CADM2: variants seen among roughly 807,000 people sequenced by gnomAD.
The protein encoded by CADM2 is immunoglobulin superfamily member 4D.
In CADM2, 12 loss-of-function variants were observed where a neutral mutation model predicts 49.8. That is an observed-to-expected ratio of 0.24 (90% CI 0.15 to 0.39). CADM2 has a LOEUF of 0.39. Ranked by LOEUF, CADM2 falls within the 10% of genes least tolerant of loss-of-function variation. The pLI is 1.00. For missense variants in CADM2, 378 were observed against 492.3 expected (o/e 0.77, Z 2.20); for synonymous variants, 214 against 175.4 (o/e 1.22, Z -1.74).
intron 2 of CADM2, among the ~76,000 whole-genome samples, chr3:85,773,385 G>T (rs1330205199): frequency 6.6e-6 from 1 of 151,980 alleles, no homozygotes; most frequent in Non-Finnish European, 1.5e-5. Context: ...TGTTTTCATA[G>T]CTAGCAGTCT....
At chr3:85,552,589 C>G (rs1403262503) in intron 1 of CADM2, among the ~76,000 whole-genome samples, 1 of 151,674 alleles carries the variant, frequency 6.6e-6, no homozygotes, top group Admixed American at 6.6e-5. Context: ...ACCGTGTTAG[C>G]CAGGATGGTC....
At chr3:85,516,303 T>G (rs1354754789) in intron 1 of CADM2, among the ~76,000 whole-genome samples, 1 of 152,162 alleles carries the variant, frequency 6.6e-6, no homozygotes, top group African/African-American at 2.4e-5. Context: ...AGTGATAGAT[T>G]TATTTGTTAG....
intron 8 of CADM2, among the ~76,000 whole-genome samples, chr3:86,062,400 T>C: frequency 6.6e-6 from 1 of 152,136 alleles, no homozygotes; most frequent in Non-Finnish European, 1.5e-5. Flanking sequence ...TAAAATTAAC[T>C]AGTAACTTTA....
At chr3:85,041,611 T>C (rs1266011347) in intron 1 of CADM2, among the ~76,000 whole-genome samples, 1 of 152,040 alleles carries the variant, frequency 6.6e-6, no homozygotes, top group African/African-American at 2.4e-5. Context: ...CTTCAAGGAG[T>C]GAGGATTTAG....
At chr3:84,974,449 G>A (rs1221325284) in intron 1 of CADM2, among the ~76,000 whole-genome samples, 1 of 151,980 alleles carries the variant, frequency 6.6e-6, no homozygotes, top group African/African-American at 2.4e-5. Flanking sequence ...AATGGCTAGA[G>A]TATAGTTTTA....
At chr3:85,488,362 T>G (rs573364788) in intron 1 of CADM2, among the ~76,000 whole-genome samples, 9 of 152,270 alleles carry the variant, frequency 5.9e-5, no homozygotes, top group Non-Finnish European at 8.8e-5. Flanking sequence ...GATTTGATAT[T>G]TTTAAAAACA....
intron 1 of CADM2, among the ~76,000 whole-genome samples, chr3:85,444,174 C>T (rs1279402260): frequency 1.3e-5 from 2 of 152,034 alleles, no homozygotes; most frequent in African/African-American, 4.8e-5. Context: ...ACATAAGCTG[C>T]CAACATGTCT....
At chr3:85,652,772 C>CTTTTCTTTT (rs1553655456) in intron 1 of CADM2, among the ~76,000 whole-genome samples, 2 of 50,790 alleles carry the variant, frequency 3.9e-5, no homozygotes, top group African/African-American at 7.8e-5. Flanking sequence ...TTTTTCTTTT[C>CTTTTCTTTT]TTTTTTTTTT....
chr3:84,970,661 A>G (rs2031365687), intron 1 of CADM2, among the ~76,000 whole-genome samples: 1 of 152,050 alleles, frequency 6.6e-6, no homozygotes, highest in South Asian at 2.1e-4. Context: ...TAAATGTCAA[A>G]TGAAGATAAA....
intron 1 of CADM2, among the ~76,000 whole-genome samples, chr3:85,093,472 A>T (rs2037677502): frequency 6.6e-6 from 1 of 150,998 alleles, no homozygotes; most frequent in Admixed American, 6.6e-5. Context: ...AGCCGAGATC[A>T]CACCACTCCA....
intron 1 of CADM2, among the ~76,000 whole-genome samples, chr3:85,585,988 C>T (rs550964386): frequency 5.9e-5 from 9 of 151,990 alleles, no homozygotes; most frequent in South Asian, 4.1e-4. Context: ...TTAGTGACTC[C>T]TATCTAAAAT....
At chr3:85,794,226 T>C (rs1189906789) in intron 2 of CADM2, among the ~76,000 whole-genome samples, 5 of 152,206 alleles carry the variant, frequency 3.3e-5, no homozygotes, top group African/African-American at 9.6e-5. Context: ...AATTAGTCTT[T>C]CTTTTTGGCC....
intron 1 of CADM2, among the ~76,000 whole-genome samples, chr3:85,553,334 T>C (rs1175363269): frequency 6.6e-6 from 1 of 152,134 alleles, no homozygotes; most frequent in Non-Finnish European, 1.5e-5. Flanking sequence ...AAGATACTAT[T>C]CTTAATTGTA....
At chr3:85,368,931 C>G (rs562903861) in intron 1 of CADM2, among the ~76,000 whole-genome samples, 1 of 152,182 alleles carries the variant, frequency 6.6e-6, no homozygotes, top group Admixed American at 6.5e-5. Flanking sequence ...CAGTCCAACT[C>G]CATCAGGATA....
chr3:85,512,225 G>A (rs1332544600), intron 1 of CADM2, among the ~76,000 whole-genome samples: 1 of 151,984 alleles, frequency 6.6e-6, no homozygotes, highest in African/African-American at 2.4e-5. Context: ...TGTACCCAAT[G>A]TTTAGCTCCC....
chr3:85,720,751 A>G (rs1231737573), intron 1 of CADM2, among the ~76,000 whole-genome samples: 1 of 152,146 alleles, frequency 6.6e-6, no homozygotes, highest in African/African-American at 2.4e-5. Flanking sequence ...AATGTGTTTA[A>G]CTTTGTGTTT....
chr3:86,003,941 A>T (rs1407167962), intron 8 of CADM2, among the ~76,000 whole-genome samples: 1 of 152,212 alleles, frequency 6.6e-6, no homozygotes, highest in Non-Finnish European at 1.5e-5. Flanking sequence ...GTAATATCAC[A>T]ATAGGACTTT....
At chr3:85,094,532 G>A (rs9814600) in intron 1 of CADM2, among the ~76,000 whole-genome samples, 72,848 of 151,918 alleles carry the variant, frequency 0.48, 19,130 homozygotes, top group Non-Finnish European at 0.61. Flanking sequence ...AAATAAAAAT[G>A]AACACCTTAA....
chr3:85,288,326 C>A (rs2043687493), intron 1 of CADM2, among the ~76,000 whole-genome samples: 1 of 152,022 alleles, frequency 6.6e-6, no homozygotes, highest in Non-Finnish European at 1.5e-5. Context: ...GGACAATCTG[C>A]AACCATTATT....
Sources: allele counts gnomAD v4.1 joint callset (sites outside exome capture counted in the v4.1 genomes callset), GRCh38; gene constraint gnomAD v4.1.1; transcripts MANE v1.5; gene names NCBI Gene and HGNC (gene_info 2026-07-23, HGNC 2026-07-21).